AKAP13: variants seen among roughly 807,000 people sequenced by gnomAD.
AKAP13 encodes A-kinase anchor protein 13.
AKAP13 carries 80 observed loss-of-function variants against 264.5 expected under a neutral mutation model. That is an observed-to-expected ratio of 0.30 (90% CI 0.25 to 0.36). The LOEUF is 0.36. AKAP13 is among the 10% of genes least tolerant of loss of function. AKAP13 has a pLI of 1.00. For synonymous variants in AKAP13, 1,380 were observed against 1,250.2 expected (o/e 1.10, Z -2.19); for missense variants, 3,712 against 3,435.2 (o/e 1.08, Z -2.01).
At chr15:85,553,624 A>G (rs903483276) in intron 5 of AKAP13, among the ~76,000 whole-genome samples, 4 of 152,170 alleles carry the variant, frequency 2.6e-5, no homozygotes, top group African/African-American at 7.2e-5. Context: ...TTTATGCTTT[A>G]ACTGGCCAAT....
intron 5 of AKAP13, chr15:85,555,380 C>T (rs931913579): frequency 1.6e-5 from 20 of 1,249,294 alleles, no homozygotes; most frequent in Non-Finnish European, 1.8e-5. Flanking sequence ...GAGCGAAACA[C>T]GCCTTTAGGA....
Position 85,409,217 on chromosome 15 carries a change from G to A in AKAP13, c.-12+28419G>A, listed in dbSNP as rs916795326. Among the ~76,000 whole-genome samples the A allele has an allele frequency of 4.0e-5, 6 of 151,378 alleles. No homozygotes were observed. The South Asian group carries it at 1.2e-3, about 31-fold the overall frequency. ...TTTTTGAGATGGAGTTTCACTCGTC[G>A]CCTAGCCTGGAGTGCATAGGCACGA... On this transcript the variant is annotated intron_variant, in intron 1 of 36. Transcript: ENST00000394518.
At chr15:85,612,241 T>G (rs776259828) in intron 8 of AKAP13, among the ~76,000 whole-genome samples, 2 of 152,218 alleles carry the variant, frequency 1.3e-5, no homozygotes, top group Non-Finnish European at 2.9e-5. Flanking sequence ...CTAATGTATC[T>G]TAAAAACATG....
At position 85,579,500 on chromosome 15, in the gene AKAP13, A is replaced by G. The variant is rs116044911; in HGVS notation, c.1432A>G (p.Thr478Ala). Residue 478 changes from threonine (T) to alanine (A), a missense_variant, in exon 7 of 37, where the codon ACT (threonine) becomes GCT (alanine). Physicochemically the swap from Thr to Ala is moderately conservative, Grantham distance 58. This residue lies in a region of AKAP13 where 2,759 missense variants were observed against 2,411.7 expected (regional missense o/e 1.14). Transcript: ENST00000394518. ...AACAACAAATGTCAGTACCCCAGAC[A>G]CTGCAGGGGAAATGGAACATGGGCT... is the stretch of plus-strand genomic sequence containing the variant. ...ISTTNVSTPD[T>A]AGEMEHGLMN... 2 of 1,614,006 alleles carry G rather than the reference A, an allele frequency of 1.2e-6. No homozygotes were observed. The highest frequency in any genetic ancestry group is 1.3e-5 in the African/African-American group (1 of 75,050).
Position 85,581,547 on chromosome 15 carries a change from G to A in AKAP13, c.3479G>A (p.Gly1160Glu), listed in dbSNP as rs2079142361. The change falls in exon 7 of 37, where the codon GGG (glycine) becomes GAG (glutamate). Residue 1160 changes from glycine to glutamate, a missense_variant. Physicochemically the swap from Gly to Glu is moderately conservative, Grantham distance 98. Around this residue, in one of 3 missense-constraint regions of AKAP13, gnomAD observed 2,759 missense variants for 2,411.7 expected, o/e 1.14. Coordinates refer to ENST00000394518, the MANE Select transcript of AKAP13 (RefSeq NM_007200.5). ...PEMIPLDWEKGKLEGADHSCT... is the reference protein window; with the variant it reads ...PEMIPLDWEKEKLEGADHSCT... ...ATGATACCTCTTGATTGGGAGAAAG[G>A]GAAGCTGGAGGGAGCAGACCACAGC... The A allele has an allele frequency of 6.2e-7, 1 of 1,614,180 alleles. No individual in the cohort carries two copies. The highest frequency in any genetic ancestry group is 8.5e-7 in the Non-Finnish European group (1 of 1,180,032).
At chr15:85,387,194 G>A (rs1434628240) in intron 1 of AKAP13, among the ~76,000 whole-genome samples, 1 of 152,006 alleles carries the variant, frequency 6.6e-6, no homozygotes, top group Non-Finnish European at 1.5e-5. Context: ...AAAATAGCTG[G>A]GCGTGGTGGT....
At chr15:85,598,394 G>T (rs1023111117) in intron 8 of AKAP13, among the ~76,000 whole-genome samples, 3 of 152,136 alleles carry the variant, frequency 2.0e-5, no homozygotes, top group Non-Finnish European at 4.4e-5. Context: ...ATTCCACCCC[G>T]TGAAAGCCAG....
At chr15:85,584,657 G>T (rs2079264956) in intron 7 of AKAP13, among the ~76,000 whole-genome samples, 1 of 152,166 alleles carries the variant, frequency 6.6e-6, no homozygotes, top group Non-Finnish European at 1.5e-5. Flanking sequence ...AAGAAAAGAG[G>T]TTCATCTATA....
intron 5 of AKAP13, among the ~76,000 whole-genome samples, chr15:85,545,741 T>C (rs775569896): frequency 6.6e-6 from 1 of 152,166 alleles, no homozygotes; most frequent in Non-Finnish European, 1.5e-5. Context: ...AGTGTGAGAG[T>C]GATTCTAGTA....
intron 5 of AKAP13, among the ~76,000 whole-genome samples, chr15:85,555,131 T>C (rs749543467): frequency 6.6e-6 from 1 of 151,990 alleles, no homozygotes; most frequent in African/African-American, 2.4e-5. Context: ...ATAACTAGCC[T>C]AGCAGCGAGT....
chr15:85,463,128 C>G (rs1416132606), intron 1 of AKAP13, among the ~76,000 whole-genome samples: 2 of 149,712 alleles, frequency 1.3e-5, no homozygotes, highest in Non-Finnish European at 3.0e-5. Context: ...GTAAGAATTA[C>G]TGAATTTGAA....
chr15:85,606,112 T>TTTTTTTTTTTTTG (rs1384961300), intron 8 of AKAP13, among the ~76,000 whole-genome samples: 1 of 130,496 alleles, frequency 7.7e-6, no homozygotes. Context: ...TTTTTTTTTT[T>TTTTTTTTTTTTTG]TTTTGTTGAG....
intron 7 of AKAP13, among the ~76,000 whole-genome samples, chr15:85,584,308 G>A (rs2079245562): frequency 6.6e-6 from 1 of 152,172 alleles, no homozygotes. Context: ...TCCTGCAGAG[G>A]CTGCCGACAC....
intron 2 of AKAP13, among the ~76,000 whole-genome samples, chr15:85,507,581 G>C (rs1431199916): frequency 6.6e-6 from 1 of 152,210 alleles, no homozygotes; most frequent in African/African-American, 2.4e-5. Flanking sequence ...AGAAACCACA[G>C]CAAAGACAGA....
In AKAP13 at chr15:85,748,906, A is replaced by C. The variant is rs1281466219; in HGVS notation, c.*4229A>C. 2 of 152,296 alleles carry C rather than the reference A, an allele frequency of 1.3e-5. No homozygotes were observed. The highest frequency in any genetic ancestry group is 2.9e-5 in the Non-Finnish European group (2 of 68,210). The allele number at this position is 152,296 out of a possible 1,614,324, so 9.4% of individuals were successfully genotyped here. A position where few individuals can be genotyped will look rare whatever the true frequency, so the allele number is the denominator to read the frequency against. On this transcript the variant is annotated 3_prime_UTR_variant, in exon 37 of 37. Transcript: ENST00000394518. ...ACCTTCCCCGGCCTGAGCTTCCCCT[A>C]CCTTTCGTCACCACCTGAGGGCATG...
chr15:85,486,736 G>GTTTT (rs2075561093), intron 2 of AKAP13, among the ~76,000 whole-genome samples: 1 of 93,874 alleles, frequency 1.1e-5, no homozygotes, highest in Non-Finnish European at 2.2e-5. Flanking sequence ...TAATTGTTCA[G>GTTTT]TTCTTTTTTT....
At chr15:85,554,018 G>T (rs1406625193) in intron 5 of AKAP13, among the ~76,000 whole-genome samples, 2 of 152,120 alleles carry the variant, frequency 1.3e-5, no homozygotes, top group Non-Finnish European at 2.9e-5. Context: ...AAATGCTGGG[G>T]ACCGCTGGTT....
At chr15:85,649,460 A>T (rs1472854872) in intron 10 of AKAP13, among the ~76,000 whole-genome samples, 1 of 152,244 alleles carries the variant, frequency 6.6e-6, no homozygotes, top group Non-Finnish European at 1.5e-5. Context: ...AATGTCTTGC[A>T]GTTTGTTCCC....
At chr15:85,588,090 C>T (rs2079434827) in intron 8 of AKAP13, among the ~76,000 whole-genome samples, 1 of 151,840 alleles carries the variant, frequency 6.6e-6, no homozygotes, top group Non-Finnish European at 1.5e-5. Context: ...GTCCATGTTC[C>T]TTGGGCTACA....
Sources: gnomAD v4.1 joint callset for allele counts (sites outside exome capture counted in the v4.1 genomes callset) on GRCh38, gnomAD v4.1.1 for gene constraint, gnomAD v4.1.1 regional missense constraint, MANE v1.5 for transcripts, NCBI Gene and HGNC (gene_info 2026-07-23, HGNC 2026-07-21) for gene names.